Variants in FAM13C observed in about 807,000 individuals in gnomAD.
FAM13C encodes the protein protein FAM13C.
In FAM13C, 37 loss-of-function variants were observed where a neutral mutation model predicts 73.2. That is an observed-to-expected ratio of 0.51 (90% confidence interval 0.39 to 0.67). The LOEUF (loss-of-function observed/expected upper bound fraction) is 0.67, where lower values mean the gene tolerates loss of function less well. Ranked by LOEUF, FAM13C falls within the 30% of genes least tolerant of loss-of-function variation. FAM13C has a pLI of 0.00. For missense variants in FAM13C, 589 were observed against 715.6 expected (o/e 0.82, Z 2.02); for synonymous variants, 246 against 260.9 (o/e 0.94, Z 0.55).
chr10:59,247,578 A>G lies in FAM13C; in HGVS notation c.*36T>C. The G allele has an allele frequency of 6.2e-7, 1 of 1,611,926 alleles. No individual in the cohort carries two copies. The highest frequency in any genetic ancestry group is 2.2e-5 in the East Asian group (1 of 44,768). ...CAGAGGAAAATAAACTTTACTTTAT[A>G]TCATGGGTGAAAGTGATCATAACAT... On this transcript the variant is annotated 3_prime_UTR_variant, in exon 14 of 14. Coordinates refer to ENST00000618804, the MANE Select transcript of FAM13C (RefSeq NM_198215.4).
intron 13 of FAM13C, among the ~76,000 whole-genome samples, chr10:59,249,617 CA>C (rs1448012065): frequency 3.3e-5 from 5 of 152,120 alleles, no homozygotes; most frequent in African/African-American, 1.2e-4. Flanking sequence ...GTGCCTTAAA[CA>C]TTTTAGTAAT....
chr10:59,252,970 C>T lies in FAM13C; in HGVS notation c.1361G>A (p.Arg454His), dbSNP rs369226393. 6.3e-5 allele frequency: 101 copies of T among 1,613,656 alleles called. No homozygotes were observed. Among genetic ancestry groups the T allele is most frequent in the South Asian group, 2.1e-4 (19 of 91,070 alleles). ...IQEEEDSDEDRPQGSQQPSLA... is the reference protein window; with the variant it reads ...IQEEEDSDEDHPQGSQQPSLA... ...AGAAGGTTGTTGGCTTCCCTGTGGACGGTCTTCATCAGAGTCCTCTTCCTC... is the reference window on the plus strand; with the variant it reads ...AGAAGGTTGTTGGCTTCCCTGTGGATGGTCTTCATCAGAGTCCTCTTCCTC... The change falls in exon 12 of 14, where the codon CGT becomes CAT. Residue 454 changes from arginine to histidine, a missense_variant. Coordinates refer to ENST00000618804, the MANE Select transcript of FAM13C (RefSeq NM_198215.4).
intron 5 of FAM13C, among the ~76,000 whole-genome samples, chr10:59,287,870 C>A (rs547120280): frequency 6.6e-6 from 1 of 152,350 alleles, no homozygotes; most frequent in South Asian, 2.1e-4. Flanking sequence ...CAAGGCTGTA[C>A]ACTACACTGA....
At chr10:59,269,782 C>T (rs1843490952) in intron 7 of FAM13C, 117 bp downstream of exon 7, 12 of 1,198,900 alleles carry the variant, frequency 1.0e-5, no homozygotes, top group Non-Finnish European at 8.2e-6. Flanking sequence ...GTTCCAGTCT[C>T]GCAGTTGCGT....
intron 4 of FAM13C, among the ~76,000 whole-genome samples, chr10:59,318,272 TTA>T (rs1849774085): frequency 9.1e-6 from 1 of 109,956 alleles, no homozygotes; most frequent in African/African-American, 5.8e-5. Context: ...GTAATCTCCT[TTA>T]AAAAAACAAC....
chr10:59,268,443 C>T, intron 8 of FAM13C, 110 bp downstream of exon 8: 2 of 1,453,054 alleles, frequency 1.4e-6, no homozygotes, highest in Admixed American at 2.0e-5. Context: ...CCCATGGGAA[C>T]AGAGCTGTCC....
At chr10:59,293,240 AT>A (rs372798310) in intron 5 of FAM13C, among the ~76,000 whole-genome samples, 5 of 149,620 alleles carry the variant, frequency 3.3e-5, no homozygotes, top group Non-Finnish European at 7.4e-5. Flanking sequence ...TGCCCAGCTA[AT>A]TTTTTTTTGT....
rs1174310985 is a variant in FAM13C at position 59,247,747 on chromosome 10, A to G, written c.1635-10T>C. The G allele has an allele frequency of 1.9e-6, 3 of 1,606,028 alleles. No homozygotes were observed. The highest frequency in any genetic ancestry group is 1.7e-6 in the Non-Finnish European group (2 of 1,176,526). On this transcript the variant is annotated splice_polypyrimidine_tract_variant and intron_variant, in intron 13 of 13. Transcript: ENST00000618804. ...TTCCTTTTGTGGACTTCTGCAAAACAAAAATACATTTGTTAGTTCACAATG... is the reference window on the plus strand; with the variant it reads ...TTCCTTTTGTGGACTTCTGCAAAACGAAAATACATTTGTTAGTTCACAATG...
intron 4 of FAM13C, among the ~76,000 whole-genome samples, chr10:59,319,855 T>C (rs1849986078): frequency 6.6e-6 from 1 of 152,218 alleles, no homozygotes; most frequent in African/African-American, 2.4e-5. Context: ...AGTAGTATAA[T>C]AACCCAACCC....
chr10:59,334,705 A>G (rs576702044), intron 3 of FAM13C, among the ~76,000 whole-genome samples: 51 of 147,706 alleles, frequency 3.5e-4, no homozygotes, highest in African/African-American at 1.2e-3. Context: ...TGGGAATTGA[A>G]CAATGAGAAC....
chr10:59,319,871 C>T (rs539099593), intron 4 of FAM13C, among the ~76,000 whole-genome samples: 36 of 152,312 alleles, frequency 2.4e-4, no homozygotes, highest in Admixed American at 6.5e-4. Flanking sequence ...AACCCTTCCA[C>T]TCATGCAATG....
intron 4 of FAM13C, among the ~76,000 whole-genome samples, chr10:59,319,251 G>A (rs969985369): frequency 3.3e-5 from 5 of 152,162 alleles, no homozygotes; most frequent in African/African-American, 1.2e-4. Context: ...AAAAAATAGT[G>A]GAGGCCATCC....
At chr10:59,258,059 A>G in intron 10 of FAM13C, among the ~76,000 whole-genome samples, 1 of 152,350 alleles carries the variant, frequency 6.6e-6, no homozygotes, top group East Asian at 1.9e-4. Flanking sequence ...ATTGAATAAT[A>G]ATTTTTTAAA....
At chr10:59,299,160 T>G (rs1398145387) in intron 5 of FAM13C, among the ~76,000 whole-genome samples, 1 of 152,222 alleles carries the variant, frequency 6.6e-6, no homozygotes. Context: ...GTGTTGAATA[T>G]GCAAATTTGC....
At chr10:59,313,029 C>T (rs1409143313) in intron 4 of FAM13C, among the ~76,000 whole-genome samples, 1 of 152,166 alleles carries the variant, frequency 6.6e-6, no homozygotes, top group Non-Finnish European at 1.5e-5. Context: ...ACTAGCTTTC[C>T]ACAATTCTAC....
At position 59,265,332 on chromosome 10, in the gene FAM13C, G is replaced by GAGC. The variant is rs1315548990; in HGVS notation, c.943-1167_943-1166insGCT. 2.4e-4 allele frequency among the ~76,000 whole-genome samples: 11 copies of GAGC among 45,998 alleles called. 3 individuals are homozygous for GAGC. The highest frequency in any genetic ancestry group is 1.5e-3 in the African/African-American group (11 of 7,334). 30.2% of individuals were successfully genotyped at this position (45,998 alleles called of 152,430 possible). A position where few individuals can be genotyped will look rare whatever the true frequency, so the allele number is the denominator to read the frequency against. ...GGGAAGGGGTTTTGGCGGGGGGGGG[G>GAGC]GGGAATCCTGGTTTCAGGACCATGG... On this transcript the variant is annotated intron_variant, in intron 8 of 13. Transcript: ENST00000618804.
In FAM13C at chr10:59,304,815, A is replaced by AAGGGAAGGGAAGGG. The variant is rs1564554034; in HGVS notation, c.444-1952_444-1951insCCCTTCCCTTCCCT. On this transcript the variant is annotated intron_variant, in intron 4 of 13. Transcript: ENST00000618804. ...GAAGGGAAGGGAAGGGAAGGGAAGGAAAGGGGAAGGGGAGGGGGCGGGGGA... is the reference window on the plus strand; with the variant it reads ...GAAGGGAAGGGAAGGGAAGGGAAGGAAGGGAAGGGAAGGGAAGGGGAAGGGGAGGGGGCGGGGGA... 1.2e-3 allele frequency among the ~76,000 whole-genome samples: 13 copies of AAGGGAAGGGAAGGG among 10,564 alleles called. 1 individual carries two copies. The highest frequency in any genetic ancestry group is 3.3e-3 in the African/African-American group (12 of 3,678). 6.9% of individuals were successfully genotyped at this position (10,564 alleles called of 152,430 possible).
chr10:59,264,051 T>G, intron 9 of FAM13C, 34 bp downstream of exon 9: 1 of 1,586,286 alleles, frequency 6.3e-7, no homozygotes, highest in Non-Finnish European at 8.7e-7. Context: ...ACTGCTTCCT[T>G]TGTGAGGAAA....
intron 2 of FAM13C, among the ~76,000 whole-genome samples, chr10:59,353,064 C>T (rs1212947732): frequency 1.3e-5 from 2 of 152,222 alleles, no homozygotes; most frequent in Admixed American, 1.3e-4. Flanking sequence ...AAATTTTACT[C>T]AACCAGGCCC....
Sources: gnomAD v4.1 joint callset for allele counts (sites outside exome capture counted in the v4.1 genomes callset) on GRCh38, gnomAD v4.1.1 for gene constraint, MANE v1.5 for transcripts, NCBI Gene and HGNC (gene_info 2026-07-23, HGNC 2026-07-21) for gene names.